OTUD7B: variants seen among roughly 807,000 people sequenced by gnomAD.
OTUD7B encodes the protein OTU deubiquitinase 7B.
A neutral mutation model predicts 82.2 loss-of-function variants in OTUD7B; 34 were observed. The observed-to-expected ratio is 0.41, with a 90% CI of 0.31 to 0.55. The LOEUF (loss-of-function observed/expected upper bound fraction) is 0.55. Ranked by LOEUF, OTUD7B falls within the 20% of genes least tolerant of loss-of-function variation. OTUD7B has a pLI of 0.20. For synonymous variants in OTUD7B, 398 were observed against 402.7 expected, an observed-to-expected ratio of 0.99 and a Z score of 0.14; for missense variants, 944 against 1,062.1, an observed-to-expected ratio of 0.89 and a Z score of 1.55.
At chr1:150,041,680 T>A in the OTUD7B span, among the ~76,000 whole-genome samples, 1 of 152,154 alleles carries the variant, frequency 6.6e-6, no homozygotes, top group Admixed American at 6.5e-5. Context: ...TTTCTTTTTT[T>A]AATCAGACTT....
At chr1:150,062,875 C>A in the OTUD7B span, among the ~76,000 whole-genome samples, 1 of 151,392 alleles carries the variant, frequency 6.6e-6, no homozygotes, top group South Asian at 2.1e-4. Context: ...CCACCACGCC[C>A]GGCTAATTGT....
Position 149,944,144 on chromosome 1 carries a change from G to A in OTUD7B, c.2245C>T (p.Leu749=). Residue 749 remains leucine, a synonymous_variant, in exon 12 of 12, where the codon CTG becomes TTG. Coordinates refer to ENST00000581312, the MANE Select transcript of OTUD7B (RefSeq NM_020205.4). ...PYPHQDSIPS[L]EPGSHSKDGL... ...TCCTTAGAGTGGCTGCCTGGCTCCAGAGAAGGGATGCTGTCCTGGTGGGGG... is the reference window on the plus strand; with the variant it reads ...TCCTTAGAGTGGCTGCCTGGCTCCAAAGAAGGGATGCTGTCCTGGTGGGGG... The A allele has an allele frequency of 6.2e-7, 1 of 1,614,058 alleles. No homozygotes were observed.
intron 1 of OTUD7B, among the ~76,000 whole-genome samples, chr1:149,988,116 C>G (rs1651280395): frequency 6.6e-6 from 1 of 152,012 alleles, no homozygotes; most frequent in African/African-American, 2.4e-5. Flanking sequence ...TCTACTCACC[C>G]TGCATACTTC....
chr1:150,036,097 C>A, the OTUD7B span, among the ~76,000 whole-genome samples: 1 of 151,658 alleles, frequency 6.6e-6, no homozygotes, highest in African/African-American at 2.4e-5. Context: ...GGACCACAGG[C>A]ACGTGCCACC....
At chr1:149,959,039 T>C (rs998864958) in intron 7 of OTUD7B, among the ~76,000 whole-genome samples, 1 of 151,786 alleles carries the variant, frequency 6.6e-6, no homozygotes, top group Non-Finnish European at 1.5e-5. Flanking sequence ...CTGGCCAAAA[T>C]GGTGAAACCC....
At chr1:149,973,322 G>A (rs1650057957) in intron 2 of OTUD7B, among the ~76,000 whole-genome samples, 1 of 152,182 alleles carries the variant, frequency 6.6e-6, no homozygotes, top group African/African-American at 2.4e-5. Flanking sequence ...TACTCAGGAG[G>A]CTGAGATGGG....
At chr1:150,014,412 A>AAG (rs1236161109), upstream of OTUD7B, among the ~76,000 whole-genome samples, 4 of 147,766 alleles carry the variant, frequency 2.7e-5, no homozygotes, top group Admixed American at 2.7e-4. Context: ...AAAAAAAAAA[A>AAG]GCTGTATGAG....
the OTUD7B span, chr1:150,067,182 A>G: frequency 1.3e-5 from 2 of 152,066 alleles, no homozygotes; most frequent in Non-Finnish European, 2.9e-5. Context: ...CATTCATTCA[A>G]CAAATATTTG....
In OTUD7B at chr1:149,944,125, G is replaced by T; in HGVS notation, c.2264C>A (p.Ser755Tyr). The change falls in exon 12 of 12, where the codon TCT becomes TAT. Residue 755 changes from serine to tyrosine, a missense_variant. Transcript: ENST00000581312. ...SIPSLEPGSH[S>Y]KDGLHRGALL... ...GGCACCCCTGTGAAGTCCATCCTTA[G>T]AGTGGCTGCCTGGCTCCAGAGAAGG... The T allele has an allele frequency of 1.2e-6, 2 of 1,614,066 alleles. No individual in the cohort carries two copies. Among genetic ancestry groups the T allele is most frequent in the Middle Eastern group, 3.3e-4 (2 of 6,058 alleles).
At chr1:149,961,840 G>C (rs1243713175) in intron 6 of OTUD7B, 1 of 152,194 alleles carries the variant, frequency 6.6e-6, no homozygotes, top group Non-Finnish European at 1.5e-5. Flanking sequence ...TATCAAAGGA[G>C]AGCAGGCAAT....
the OTUD7B span, among the ~76,000 whole-genome samples, chr1:150,063,065 G>T: frequency 1.6e-4 from 25 of 152,128 alleles, 1 homozygote; most frequent in South Asian, 5.2e-3. Context: ...ACTCAGACTA[G>T]ATCATTTCAT....
intron 3 of OTUD7B, among the ~76,000 whole-genome samples, chr1:149,968,565 A>G (rs970236888): frequency 6.6e-6 from 1 of 152,226 alleles, no homozygotes; most frequent in African/African-American, 2.4e-5. Context: ...TTATGTAATG[A>G]TTTAATGATG....
At chr1:149,953,283 A>G (rs1381769431) in intron 7 of OTUD7B, among the ~76,000 whole-genome samples, 8 of 152,200 alleles carry the variant, frequency 5.3e-5, no homozygotes, top group Non-Finnish European at 1.0e-4. Flanking sequence ...CAGTTTTCCC[A>G]GCACCATTTA....
At chr1:150,045,073 T>G in the OTUD7B span, among the ~76,000 whole-genome samples, 3 of 146,680 alleles carry the variant, frequency 2.0e-5, no homozygotes, top group Non-Finnish European at 1.5e-5. Context: ...AAATAAACAA[T>G]ATTATTTGTT....
At chr1:149,998,326 C>G (rs1571723431) in intron 1 of OTUD7B, among the ~76,000 whole-genome samples, 1 of 152,172 alleles carries the variant, frequency 6.6e-6, no homozygotes, top group African/African-American at 2.4e-5. Flanking sequence ...ATACAATTCC[C>G]TACTCAGAGA....
chr1:150,055,514 C>T, the OTUD7B span, among the ~76,000 whole-genome samples: 2 of 152,154 alleles, frequency 1.3e-5, no homozygotes, highest in Non-Finnish European at 2.9e-5. Flanking sequence ...AAAAGCAGAA[C>T]TACCATTCGA....
At chr1:149,996,617 G>A (rs1651942744) in intron 1 of OTUD7B, among the ~76,000 whole-genome samples, 1 of 152,122 alleles carries the variant, frequency 6.6e-6, no homozygotes, top group Non-Finnish European at 1.5e-5. Context: ...GCATCCTCAG[G>A]ACCTTAAACA....
chr1:150,045,832 C>T, the OTUD7B span, among the ~76,000 whole-genome samples: 1 of 152,132 alleles, frequency 6.6e-6, no homozygotes. Flanking sequence ...AGCACATCCT[C>T]ATATGAACAA....
chr1:150,036,755 C>T, the OTUD7B span, among the ~76,000 whole-genome samples: 1 of 152,142 alleles, frequency 6.6e-6, no homozygotes, highest in Non-Finnish European at 1.5e-5. Flanking sequence ...TTAAGATACA[C>T]TTTAAGACCA....
Sources: allele counts gnomAD v4.1 joint callset (sites outside exome capture counted in the v4.1 genomes callset), GRCh38; gene constraint gnomAD v4.1.1; transcripts MANE v1.5; gene names NCBI Gene and HGNC (gene_info 2026-07-23, HGNC 2026-07-21).